STARD9: variants seen among roughly 807,000 people sequenced by gnomAD.
The protein encoded by STARD9 is stAR-related lipid transfer protein 9.
STARD9 carries 346 observed loss-of-function variants against 399.8 expected under a neutral mutation model. That is an observed-to-expected ratio of 0.87 (90% CI 0.79 to 0.95). STARD9 has a LOEUF of 0.95. STARD9 is among the 40% of genes least tolerant of loss of function. The probability of loss-of-function intolerance (pLI) is 0.00; values close to 1 mark genes in which losing one functional copy is unlikely to be tolerated. For missense variants in STARD9, 5,832 were observed against 5,667.5 expected (o/e 1.03, Z -0.93); for synonymous variants, 2,203 against 2,143.5 (o/e 1.03, Z -0.77).
At chr15:42,713,757 A>G (rs776011349) in intron 26 of STARD9, among the ~76,000 whole-genome samples, 39 of 152,090 alleles carry the variant, frequency 2.6e-4, no homozygotes, top group Admixed American at 1.1e-3. Flanking sequence ...GTGATATATG[A>G]TCTTTTATGT....
intron 3 of STARD9, among the ~76,000 whole-genome samples, chr15:42,603,476 T>C (rs969577344): frequency 2.0e-5 from 3 of 152,076 alleles, no homozygotes; most frequent in African/African-American, 7.2e-5. Flanking sequence ...TTTGTGTCTT[T>C]GTTCTTGTAA....
chr15:42,709,527 A>G (rs1278541823), intron 26 of STARD9, among the ~76,000 whole-genome samples: 1 of 152,176 alleles, frequency 6.6e-6, no homozygotes, highest in Non-Finnish European at 1.5e-5. Flanking sequence ...TCCACTAAAA[A>G]TACAAAAATT....
chr15:42,592,284 A>G (rs2058413829), intron 3 of STARD9, among the ~76,000 whole-genome samples: 1 of 152,188 alleles, frequency 6.6e-6, no homozygotes, highest in Non-Finnish European at 1.5e-5. Context: ...GCAGTACAAA[A>G]GGAAAATGAA....
intron 20 of STARD9, among the ~76,000 whole-genome samples, chr15:42,680,853 C>T (rs1279184872): frequency 6.6e-6 from 1 of 152,130 alleles, no homozygotes; most frequent in Non-Finnish European, 1.5e-5. Context: ...GAAAACAGCT[C>T]TGGAGTGGAG....
At chr15:42,679,753 C>T (rs1331515792) in intron 20 of STARD9, among the ~76,000 whole-genome samples, 1 of 152,140 alleles carries the variant, frequency 6.6e-6, no homozygotes, top group Non-Finnish European at 1.5e-5. Context: ...CTAGACAGTA[C>T]GTAAATAAAT....
intron 4 of STARD9, among the ~76,000 whole-genome samples, chr15:42,637,634 A>G (rs2059443813): frequency 6.6e-6 from 1 of 152,246 alleles, no homozygotes; most frequent in Non-Finnish European, 1.5e-5. Flanking sequence ...TTCATTGCAT[A>G]AAAGCAGGTA....
At chr15:42,704,425 G>C (rs758806247) in intron 26 of STARD9, among the ~76,000 whole-genome samples, 1 of 152,302 alleles carries the variant, frequency 6.6e-6, no homozygotes, top group East Asian at 1.9e-4. Flanking sequence ...GCTTTCCAAT[G>C]TGTGTCAATA....
At position 42,657,136 on chromosome 15, in the gene STARD9, C is replaced by T. The variant is rs542874709; in HGVS notation, c.703-4022C>T. Among the ~76,000 whole-genome samples the T allele has an allele frequency of 4.6e-4, 70 of 152,120 alleles. No individual in the cohort carries two copies. The Middle Eastern group carries it at 0.017, about 37-fold the overall frequency. ...CTTTGGGAAGCCGAGGTGGATGGAT[C>T]GCCTGACGTTAGGAGTTTGAGACCA... On this transcript the variant is annotated intron_variant, in intron 9 of 32. Transcript: ENST00000290607.
chr15:42,638,205 GAAGA>G, intron 6 of STARD9, 118 bp downstream of exon 6: 1 of 907,192 alleles, frequency 1.1e-6, no homozygotes, highest in South Asian at 1.5e-5. Flanking sequence ...AAAAGCCACA[GAAGA>G]AATATCTTGC....
chr15:42,635,231 G>T (rs557791107), intron 4 of STARD9, among the ~76,000 whole-genome samples: 1 of 147,116 alleles, frequency 6.8e-6, no homozygotes, highest in Non-Finnish European at 1.5e-5. Context: ...TTGCACTCCA[G>T]CCTGGGCAAC....
chr15:42,622,515 G>A (rs1054027308), intron 3 of STARD9, among the ~76,000 whole-genome samples: 2 of 152,106 alleles, frequency 1.3e-5, no homozygotes, highest in Non-Finnish European at 2.9e-5. Flanking sequence ...CTTCAGGCAT[G>A]AGCCACTGCC....
At chr15:42,581,571 G>A in intron 1 of STARD9, 1 of 947,852 alleles carries the variant, frequency 1.1e-6, no homozygotes, top group South Asian at 1.4e-5. Context: ...AGGGCGGGTG[G>A]AAAAGCGAGC....
chr15:42,691,525 A>T lies in STARD9; in HGVS notation c.9947A>T (p.Lys3316Ile). The change falls in exon 23 of 33, where the codon AAA becomes ATA. Residue 3316 changes from lysine (K) to isoleucine (I), a missense_variant. Lys to Ile is a moderately radical substitution (Grantham distance 102). Transcript: ENST00000290607. Reference sequence around the variant, plus strand: ...GTGACTACAATCTTCTCTGGCCCCAAACACTCCAGGTCCTCCCCCACACCA... The same window carrying T: ...GTGACTACAATCTTCTCTGGCCCCATACACTCCAGGTCCTCCCCCACACCA... Reference protein sequence around the residue: ...LPVTTIFSGPKHSRSSPTPQF... With the variant: ...LPVTTIFSGPIHSRSSPTPQF... 6.5e-7 allele frequency: 1 copy of T among 1,537,184 alleles called. No individual in the cohort carries two copies. The highest frequency in any genetic ancestry group is 8.7e-7 in the Non-Finnish European group (1 of 1,146,902).
At chr15:42,652,683 T>C in intron 9 of STARD9, 91 bp downstream of exon 9, 1 of 1,241,632 alleles carries the variant, frequency 8.1e-7, no homozygotes, top group South Asian at 1.3e-5. Flanking sequence ...TTTTTTTGTT[T>C]GTTGGTTTTT....
chr15:42,595,621 T>G (rs190862291), intron 3 of STARD9, among the ~76,000 whole-genome samples: 17 of 152,338 alleles, frequency 1.1e-4, no homozygotes, highest in African/African-American at 4.1e-4. Flanking sequence ...CTTTTTCTGA[T>G]GCATGTATGT....
At position 42,688,700 on chromosome 15, in the gene STARD9, G is replaced by A. The variant is rs1156711591; in HGVS notation, c.7122G>A (p.Leu2374=). 6.5e-7 allele frequency: 1 copy of A among 1,537,600 alleles called. No individual in the cohort carries two copies. The highest frequency in any genetic ancestry group is 1.4e-5 in the African/African-American group (1 of 73,040). Residue 2374 remains leucine (L), a synonymous_variant, in exon 23 of 33, where the codon TTG becomes TTA. Transcript: ENST00000290607. ...TGTTGAAAATTCATAACAGTCCCTT[G>A]GTAACTGGAGTAGAGCATCAGGACC... ...LTMLKIHNSP[L]VTGVEHQDQS...
intron 3 of STARD9, among the ~76,000 whole-genome samples, chr15:42,631,098 G>T (rs2059324016): frequency 2.0e-5 from 3 of 151,658 alleles, no homozygotes; most frequent in Non-Finnish European, 2.9e-5. Context: ...TCTTGCCTTG[G>T]CCTCCCAAAG....
Position 42,675,762 on chromosome 15 carries a change from T to C in STARD9, c.1770+16T>C. On this transcript the variant is annotated intron_variant, in intron 19 of 32. Coordinates refer to ENST00000290607, the MANE Select transcript of STARD9 (RefSeq NM_020759.3). ...GCGAAGGCAGGTTAGCAGGGCTGTG[T>C]TTTCTAGGTTATTGCTGGCCTCCCT... The C allele has an allele frequency of 6.5e-7, 1 of 1,536,626 alleles. No homozygotes were observed. Among genetic ancestry groups the C allele is most frequent in the Non-Finnish European group, 8.7e-7 (1 of 1,146,396 alleles).
chr15:42,682,319 C>T lies in STARD9; in HGVS notation c.2281C>T (p.Arg761Trp), dbSNP rs764152039. ...GAGACACACTCTTCGGGCAGCAGAG[C>T]GGAATGTCCGGCGGAAAAAGGTCTC... is the stretch of plus-strand genomic sequence containing the variant. ...LRRHTLRAAE[R>W]NVRRKKVSFQ... Residue 761 changes from arginine to tryptophan, a missense_variant, in exon 22 of 33, where the codon CGG becomes TGG. Physicochemically the swap from Arg to Trp is moderately radical, Grantham distance 101 (BLOSUM62 -3). Transcript: ENST00000290607. 60 of 1,537,120 alleles carry T rather than the reference C, an allele frequency of 3.9e-5. No individual in the cohort carries two copies. The highest frequency in any genetic ancestry group is 4.8e-5 in the South Asian group (4 of 84,066).
Sources: allele counts gnomAD v4.1 joint callset (sites outside exome capture counted in the v4.1 genomes callset), GRCh38; gene constraint gnomAD v4.1.1; transcripts MANE v1.5; gene names NCBI Gene and HGNC (gene_info 2026-07-23, HGNC 2026-07-21).